TGFBR2: variants seen among roughly 807,000 people sequenced by gnomAD.
TGFBR2 encodes the protein TGF-beta receptor type-2.
Under a neutral mutation model 49.0 loss-of-function variants are expected in TGFBR2, and 18 were observed. That is an observed-to-expected ratio of 0.37 (90% confidence interval 0.25 to 0.54). TGFBR2 has a LOEUF of 0.54. Ranked by LOEUF, TGFBR2 falls within the 20% of genes least tolerant of loss-of-function variation. The pLI, the probability that TGFBR2 is intolerant of heterozygous loss-of-function variation, is 0.85. For synonymous variants in TGFBR2, 282 were observed against 275.9 expected, an observed-to-expected ratio of 1.02 and a Z score of -0.22; for missense variants, 525 against 722.6, an observed-to-expected ratio of 0.73 and a Z score of 3.13.
intron 3 of TGFBR2, among the ~76,000 whole-genome samples, chr3:30,668,251 CATG>C (rs943387311): frequency 6.6e-6 from 1 of 152,144 alleles, no homozygotes; most frequent in Non-Finnish European, 1.5e-5. Flanking sequence ...CTGTGTATAT[CATG>C]ATGATCAAAA....
At chr3:30,637,993 G>C (rs994084479) in intron 1 of TGFBR2, among the ~76,000 whole-genome samples, 1 of 152,162 alleles carries the variant, frequency 6.6e-6, no homozygotes, top group African/African-American at 2.4e-5. Context: ...CCAGCTCACT[G>C]TGTTATCTGA....
At chr3:30,635,680 C>A (rs1032659976) in intron 1 of TGFBR2, among the ~76,000 whole-genome samples, 4 of 152,202 alleles carry the variant, frequency 2.6e-5, no homozygotes, top group Non-Finnish European at 1.5e-5. Context: ...TAAAGTACCT[C>A]ATTGGATGAA....
At chr3:30,679,709 A>G (rs2372212) in intron 5 of TGFBR2, among the ~76,000 whole-genome samples, 122,175 of 152,224 alleles carry the variant, frequency 0.8, 49,218 homozygotes, top group African/African-American at 0.85. Flanking sequence ...AGAGAACTGA[A>G]GGCTCAGGAA....
At chr3:30,679,715 A>G (rs779977658) in intron 5 of TGFBR2, among the ~76,000 whole-genome samples, 3 of 152,266 alleles carry the variant, frequency 2.0e-5, no homozygotes, top group Non-Finnish European at 4.4e-5. Flanking sequence ...CTGAAGGCTC[A>G]GGAAGTGCGA....
At chr3:30,653,227 T>A (rs1054455595) in intron 3 of TGFBR2, among the ~76,000 whole-genome samples, 1 of 151,556 alleles carries the variant, frequency 6.6e-6, no homozygotes, top group Admixed American at 6.6e-5. Flanking sequence ...CCACCATCTC[T>A]TCTTTATCTT....
chr3:30,672,553 G>A lies in TGFBR2; in HGVS notation c.1254+116G>A, dbSNP rs545531546. On this transcript the variant is annotated intron_variant, in intron 4 of 6. Coordinates refer to ENST00000295754, the MANE Select transcript of TGFBR2 (RefSeq NM_003242.6). This position sits in a 1 kb window ranked among gnomAD's most constrained non-coding sequence, Gnocchi z 4.5. ...GCCCTGTACTCTGGACACTGGTCTA[G>A]GGAATCTAGCCAAAGTATGGAGTCT... is the stretch of plus-strand genomic sequence containing the variant. 4 of 1,198,298 alleles carry A rather than the reference G, an allele frequency of 3.3e-6. No individual in the cohort carries two copies. The highest frequency in any genetic ancestry group is 4.7e-5 in the East Asian group (2 of 42,782). The allele number at this position is 1,198,298 out of a possible 1,614,324, so 74.2% of individuals were successfully genotyped here.
At chr3:30,618,898 T>C (rs1698178905) in intron 1 of TGFBR2, among the ~76,000 whole-genome samples, 1 of 152,244 alleles carries the variant, frequency 6.6e-6, no homozygotes, top group African/African-American at 2.4e-5. Context: ...ATTTGCTCCT[T>C]TATTTTAATA....
At chr3:30,654,611 T>C (rs1008955044) in intron 3 of TGFBR2, among the ~76,000 whole-genome samples, 3 of 152,126 alleles carry the variant, frequency 2.0e-5, no homozygotes, top group African/African-American at 7.2e-5. Flanking sequence ...AACCAACATA[T>C]AAAATTCCAA....
intron 1 of TGFBR2, among the ~76,000 whole-genome samples, chr3:30,611,638 T>G (rs1326773553): frequency 4.6e-5 from 7 of 150,924 alleles, no homozygotes; most frequent in African/African-American, 1.7e-4. Flanking sequence ...ACGAATGAAG[T>G]GCTAAAATCT....
At chr3:30,627,571 G>A (rs1447356218) in intron 1 of TGFBR2, among the ~76,000 whole-genome samples, 6 of 151,876 alleles carry the variant, frequency 4.0e-5, no homozygotes, top group Non-Finnish European at 7.4e-5. Flanking sequence ...GAAAAATTAT[G>A]TAATTATCTC....
At chr3:30,622,879 CAAAAAAAAA>C (rs10575244) in intron 1 of TGFBR2, among the ~76,000 whole-genome samples, 13 of 75,652 alleles carry the variant, frequency 1.7e-4, no homozygotes, top group South Asian at 6.8e-4. Context: ...GACTTTGTCT[CAAAAAAAAA>C]AAAAAAAAAA....
chr3:30,620,867 A>C (rs1237709795), intron 1 of TGFBR2, among the ~76,000 whole-genome samples: 1 of 152,202 alleles, frequency 6.6e-6, no homozygotes, highest in Non-Finnish European at 1.5e-5. Context: ...ACCTGAGGGT[A>C]AATAATCCCA....
rs141902689 is a variant in TGFBR2 at position 30,680,937 on chromosome 3, G to T, written c.1396+6691G>T. 2.2e-3 allele frequency among the ~76,000 whole-genome samples: 330 copies of T among 152,078 alleles called. 1 individual carries two copies. The highest frequency in any genetic ancestry group is 0.02 in the Middle Eastern group (6 of 294). On this transcript the variant is annotated intron_variant, in intron 5 of 6. Transcript: ENST00000295754. ...AAGGCGGGTGAAGGCGGGTGAAGGC[G>T]GTCCTGTTCAGGGCCCCCTTTGGTG...
At chr3:30,618,943 G>A (rs1698179428) in intron 1 of TGFBR2, among the ~76,000 whole-genome samples, 1 of 151,890 alleles carries the variant, frequency 6.6e-6, no homozygotes, top group Non-Finnish European at 1.5e-5. Flanking sequence ...AGTTACTTTT[G>A]TCTTCCAGAA....
intron 6 of TGFBR2, among the ~76,000 whole-genome samples, chr3:30,690,458 G>GT (rs1699691186): frequency 6.6e-6 from 1 of 152,194 alleles, no homozygotes; most frequent in Admixed American, 6.5e-5. Context: ...ATAGGCAGCT[G>GT]TTTCACAGGG....
At chr3:30,661,791 G>C (rs557956567) in intron 3 of TGFBR2, among the ~76,000 whole-genome samples, 1 of 152,184 alleles carries the variant, frequency 6.6e-6, no homozygotes, top group East Asian at 1.9e-4. Flanking sequence ...TATATTCCAA[G>C]TATTATATCT....
intron 1 of TGFBR2, among the ~76,000 whole-genome samples, chr3:30,636,155 ATGTGTGTGTGTGTGTGTGTG>A (rs61296907): frequency 3.7e-5 from 5 of 134,638 alleles, no homozygotes; most frequent in African/African-American, 8.4e-5. Context: ...ATATATATGT[ATGTGTGTGTGTGTGTGTGTG>A]TGTGTGTGTG....
intron 1 of TGFBR2, among the ~76,000 whole-genome samples, chr3:30,630,926 GA>G (rs1698425392): frequency 6.6e-6 from 1 of 151,734 alleles, no homozygotes; most frequent in African/African-American, 2.4e-5. Flanking sequence ...CTAGAACTGT[GA>G]AAAATTTCTG....
chr3:30,679,866 G>A (rs761580125), intron 5 of TGFBR2, among the ~76,000 whole-genome samples: 5 of 152,200 alleles, frequency 3.3e-5, no homozygotes, highest in African/African-American at 4.8e-5. Context: ...ACAGGCTCAC[G>A]CCTGTAATCC....
Sources: allele counts gnomAD v4.1 joint callset (sites outside exome capture counted in the v4.1 genomes callset), GRCh38; gene constraint gnomAD v4.1.1; non-coding constraint Gnocchi (gnomAD v3.1); transcripts MANE v1.5; gene names NCBI Gene and HGNC (gene_info 2026-07-23, HGNC 2026-07-21).